RSL24D1: variants seen among roughly 807,000 people sequenced by gnomAD.
RSL24D1 encodes ribosomal L24 domain containing 1, also known as probable ribosome biogenesis protein RLP24.
In RSL24D1, 6 loss-of-function variants were observed where a neutral mutation model predicts 26.2. The ratio of observed to expected loss-of-function variants is 0.23; its 90% CI spans 0.13 to 0.45. The LOEUF (loss-of-function observed/expected upper bound fraction) is 0.45. RSL24D1 is among the 20% of genes least tolerant of loss of function. The pLI, the probability that RSL24D1 is intolerant of heterozygous loss-of-function variation, is 0.99. For missense variants in RSL24D1, 176 were observed against 202.6 expected (o/e 0.87, Z 0.80); for synonymous variants, 61 against 59.1 (o/e 1.03, Z -0.15).
At chr15:55,183,660 A>G (rs536203388) in intron 4 of RSL24D1, among the ~76,000 whole-genome samples, 2 of 152,264 alleles carry the variant, frequency 1.3e-5, no homozygotes, top group East Asian at 3.9e-4. Context: ...AACTTAACCT[A>G]AAAGAGATAT....
chr15:55,187,104 C>T (rs1894232815), intron 3 of RSL24D1, among the ~76,000 whole-genome samples: 1 of 152,076 alleles, frequency 6.6e-6, no homozygotes, highest in African/African-American at 2.4e-5. Flanking sequence ...GGATTTCAGG[C>T]CCCACACAAA....
chr15:55,187,859 C>T (rs1894240178), intron 3 of RSL24D1, among the ~76,000 whole-genome samples: 1 of 151,012 alleles, frequency 6.6e-6, no homozygotes, highest in African/African-American at 2.4e-5. Context: ...ATCCATGTAA[C>T]CAAAAAAACC....
At chr15:55,194,459 T>C (rs1486504966) in intron 1 of RSL24D1, 1 of 152,202 alleles carries the variant, frequency 6.6e-6, no homozygotes, top group Non-Finnish European at 1.5e-5. Context: ...AAGAGGTGGA[T>C]GGCTTATGTG....
intron 3 of RSL24D1, among the ~76,000 whole-genome samples, chr15:55,190,390 G>GA (rs140138775): frequency 0.04 from 6,022 of 148,992 alleles, 394 homozygotes; most frequent in African/African-American, 0.13. Context: ...CTATTTCAGG[G>GA]AAAAAAAACA....
intron 1 of RSL24D1, chr15:55,195,220 G>C (rs1213964625): frequency 6.6e-6 from 1 of 152,002 alleles, no homozygotes; most frequent in African/African-American, 2.4e-5. Flanking sequence ...AAACTATCCG[G>C]GCACTTAAGA....
intron 3 of RSL24D1, among the ~76,000 whole-genome samples, chr15:55,187,896 T>C (rs1253082485): frequency 2.0e-5 from 3 of 150,662 alleles, no homozygotes; most frequent in African/African-American, 7.3e-5. Flanking sequence ...CTATTAAGAT[T>C]AAAAAAAAGT....
chr15:55,184,030 C>T (rs926452333), intron 4 of RSL24D1, among the ~76,000 whole-genome samples: 9 of 152,256 alleles, frequency 5.9e-5, no homozygotes. Flanking sequence ...TACAAGAGCA[C>T]AAATCACATG....
chr15:55,181,159 A>C lies in RSL24D1; in HGVS notation c.*993T>G, dbSNP rs190823293. On this transcript the variant is annotated 3_prime_UTR_variant, in exon 6 of 6. Coordinates refer to ENST00000260443, the MANE Select transcript of RSL24D1 (RefSeq NM_016304.3). ...ATTTAACATACTTAAAACTGTAAAC[A>C]ATGTAAAAACACAAAACATTAAGTA... The C allele has an allele frequency of 2.0e-5, 3 of 152,220 alleles. No homozygotes were observed. Among genetic ancestry groups the C allele is most frequent in the African/African-American group, 7.2e-5 (3 of 41,458 alleles). 9.4% of individuals were successfully genotyped at this position (152,220 alleles called of 1,614,324 possible).
intron 1 of RSL24D1, chr15:55,196,403 C>T (rs1252386551): frequency 2.1e-6 from 1 of 467,920 alleles, no homozygotes; most frequent in South Asian, 1.5e-5. Flanking sequence ...GGAACACTTC[C>T]ATCAACCTCT....
intron 1 of RSL24D1, among the ~76,000 whole-genome samples, chr15:55,195,870 C>G (rs1212041354): frequency 6.6e-6 from 1 of 152,290 alleles, no homozygotes; most frequent in South Asian, 2.1e-4. Context: ...AATTATTTAG[C>G]ACGTCAAATT....
At chr15:55,188,542 C>CTG (rs1894248488) in intron 3 of RSL24D1, among the ~76,000 whole-genome samples, 1 of 152,176 alleles carries the variant, frequency 6.6e-6, no homozygotes, top group African/African-American at 2.4e-5. Flanking sequence ...AGGGCAGAGA[C>CTG]CGTGTGTGAC....
chr15:55,186,630 A>G (rs950255981), intron 3 of RSL24D1, among the ~76,000 whole-genome samples: 7 of 152,186 alleles, frequency 4.6e-5, no homozygotes, highest in Non-Finnish European at 7.4e-5. Flanking sequence ...AAACTCAGGA[A>G]ATGTTCCAGA....
chr15:55,191,519 C>A lies in RSL24D1; in HGVS notation c.196-472G>T, dbSNP rs1162821409. ...ACTTCATATGGTTCAACCTAAATATCTATGTTATAGCAAAAAGGTATGAAA... is the reference window on the plus strand; with the variant it reads ...ACTTCATATGGTTCAACCTAAATATATATGTTATAGCAAAAAGGTATGAAA... On this transcript the variant is annotated intron_variant, in intron 2 of 5. Transcript: ENST00000260443. 7.2e-5 allele frequency among the ~76,000 whole-genome samples: 11 copies of A among 151,816 alleles called. 1 individual carries two copies. The highest frequency in any genetic ancestry group is 7.2e-4 in the Admixed American group (11 of 15,232).
rs762878339 is a variant in RSL24D1 at position 55,196,840 on chromosome 15, G to A, written c.51C>T (p.His17=). The A allele has an allele frequency of 1.2e-6, 2 of 1,614,064 alleles. No individual in the cohort carries two copies. Among genetic ancestry groups the A allele is most frequent in the Middle Eastern group, 1.6e-4 (1 of 6,084 alleles). ...AATCGTTGCGGACGAACATCATGCC[G>A]TGTCCAGGATAGATGGGCCCCGAAC... The part of the protein sequence containing the change: ...YFCSGPIYPG[H]GMMFVRNDCK... Residue 17 remains histidine (H), a synonymous_variant, in exon 1 of 6, where the codon CAC becomes CAT. Coordinates refer to ENST00000260443, the MANE Select transcript of RSL24D1 (RefSeq NM_016304.3).
intron 1 of RSL24D1, among the ~76,000 whole-genome samples, chr15:55,193,323 T>C (rs1595654138): frequency 6.6e-6 from 1 of 152,198 alleles, no homozygotes; most frequent in Non-Finnish European, 1.5e-5. Flanking sequence ...GCTAGCAAGA[T>C]TCTTTACTAC....
intron 3 of RSL24D1, among the ~76,000 whole-genome samples, chr15:55,189,142 G>A (rs559606157): frequency 3.5e-5 from 5 of 144,568 alleles, no homozygotes; most frequent in Non-Finnish European, 7.5e-5. Context: ...GCAGTGAGCC[G>A]AGATCCCACC....
intron 3 of RSL24D1, among the ~76,000 whole-genome samples, chr15:55,187,232 T>C (rs1464053792): frequency 7.2e-5 from 11 of 152,350 alleles, no homozygotes; most frequent in African/African-American, 2.4e-4. Context: ...TAAATCTGCA[T>C]ATGCTGTAGC....
At chr15:55,191,786 CT>C (rs1031065430) in intron 2 of RSL24D1, among the ~76,000 whole-genome samples, 1 of 152,166 alleles carries the variant, frequency 6.6e-6, no homozygotes, top group Non-Finnish European at 1.5e-5. Context: ...GCTACTATTT[CT>C]TTTATATATA....
At chr15:55,196,644 G>T (rs1894361666) in intron 1 of RSL24D1, 166 bp downstream of exon 1, 4 of 643,694 alleles carry the variant, frequency 6.2e-6, no homozygotes, top group Admixed American at 5.5e-5. Context: ...AGAAACCCCC[G>T]AAGCGGAACG....
Sources: gnomAD v4.1 joint callset for allele counts (sites outside exome capture counted in the v4.1 genomes callset) on GRCh38, gnomAD v4.1.1 for gene constraint, MANE v1.5 for transcripts, NCBI Gene and HGNC (gene_info 2026-07-23, HGNC 2026-07-21) for gene names.